The following ARVCF variants were observed in gnomAD, a reference collection of about 807,000 sequenced individuals.
ARVCF encodes the protein splicing regulator ARVCF.
In ARVCF, 66 loss-of-function variants were observed where a neutral mutation model predicts 90.9. The ratio of observed to expected loss-of-function variants is 0.73; its 90% CI spans 0.60 to 0.89. ARVCF has a LOEUF of 0.89. Ranked by LOEUF, ARVCF falls within the 40% of genes least tolerant of loss-of-function variation. The pLI is 0.00. For missense variants in ARVCF, 1,469 were observed against 1,382.3 expected (o/e 1.06, Z -1.00); for synonymous variants, 653 against 603.4 (o/e 1.08, Z -1.21).
chr22:19,975,570 C>T, intron 11 of ARVCF, 116 bp downstream of exon 11: 34 of 1,142,644 alleles, frequency 3.0e-5, no homozygotes, highest in Non-Finnish European at 4.3e-5. Flanking sequence ...GGGCCTGTTT[C>T]CCCATCTGTT....
At chr22:19,983,221 C>A (rs1223975176) in intron 3 of ARVCF, among the ~76,000 whole-genome samples, 2 of 152,260 alleles carry the variant, frequency 1.3e-5, no homozygotes, top group Non-Finnish European at 2.9e-5. Context: ...GCAGCCAGGG[C>A]AGGGTCAGCA....
At chr22:19,997,134 G>A (rs1944283523) in intron 2 of ARVCF, among the ~76,000 whole-genome samples, 1 of 152,210 alleles carries the variant, frequency 6.6e-6, no homozygotes, top group Non-Finnish European at 1.5e-5. Context: ...ACTAGGGGCT[G>A]TGTGGGGCTG....
At chr22:19,973,066 G>GGCCC in intron 14 of ARVCF, 30 bp from the exon 15 acceptor site, 4 of 1,604,200 alleles carry the variant, frequency 2.5e-6, no homozygotes, top group Non-Finnish European at 2.6e-6. Context: ...GTCAGTGGTG[G>GGCCC]CCCCTCCCCC....
intron 9 of ARVCF, among the ~76,000 whole-genome samples, chr22:19,976,999 T>C (rs565153868): frequency 6.6e-6 from 1 of 150,952 alleles, no homozygotes; most frequent in Admixed American, 6.6e-5. Context: ...GCTAGTGCAG[T>C]AGAGAAGGTG....
intron 3 of ARVCF, among the ~76,000 whole-genome samples, chr22:19,987,704 C>G (rs1569175394): frequency 1.3e-5 from 2 of 152,060 alleles, no homozygotes; most frequent in Admixed American, 1.3e-4. Context: ...TCTCCCAGAT[C>G]CCCCCTCACC....
At chr22:19,965,681 T>C (rs1466158129), downstream of ARVCF, 2 of 152,316 alleles carry the variant, frequency 1.3e-5, no homozygotes, top group Non-Finnish European at 2.9e-5. Flanking sequence ...CAAAAACTTT[T>C]CTGGAAAGAT....
rs779011702 is a variant in ARVCF at position 19,981,569 on chromosome 22, G to C, written c.538C>G (p.Arg180Gly). 2.5e-5 allele frequency: 40 copies of C among 1,604,144 alleles called. No individual in the cohort carries two copies. The Admixed American group carries it at 5.4e-4, about 22-fold the overall frequency. Residue 180 changes from arginine to glycine, a missense_variant, in exon 5 of 20, where the codon CGA (arginine) becomes GGA (glycine). Arg to Gly is a moderately radical substitution (Grantham distance 125). Coordinates refer to ENST00000263207, the MANE Select transcript of ARVCF (RefSeq NM_001670.3). Reference protein sequence around the residue: ...RGGGPVATLSRAYLSSGGGFP... With the variant: ...RGGGPVATLSGAYLSSGGGFP... ...CCACCCCCACTGCTGAGGTAGGCTC[G>C]AGAGAGTGTGGCCACTGGGCCACCA...
rs1160871715 is a variant in ARVCF at position 19,970,489 on chromosome 22, GGCCTCCT to G, written c.*260_*266del. ...TGGGCCCTGCCCCAGCAGCCCAGTC[GGCCTCCT>G]CGGGCCTTCTGTCACTCGCTCACAC... On this transcript the variant is annotated 3_prime_UTR_variant, in exon 20 of 20. Transcript: ENST00000263207. 4.6e-6 allele frequency: 5 copies of G among 1,096,124 alleles called. No homozygotes were observed. In the African/African-American group the frequency reaches 8.5e-5, roughly 19 times the overall value. The allele number at this position is 1,096,124 out of a possible 1,614,324, so 67.9% of individuals were successfully genotyped here. A position where few individuals can be genotyped will look rare whatever the true frequency, so the allele number is the denominator to read the frequency against.
chr22:19,974,256 C>A lies in ARVCF; in HGVS notation c.1961-17G>T. Reference sequence around the variant, plus strand: ...GCTCAAAGCCTAGGTGCAGGGCAACCGCCACCCACGGTCACCCAGAATCTG... The same window carrying A: ...GCTCAAAGCCTAGGTGCAGGGCAACAGCCACCCACGGTCACCCAGAATCTG... On this transcript the variant is annotated splice_polypyrimidine_tract_variant and intron_variant, in intron 11 of 19. Transcript: ENST00000263207. 5 of 1,588,414 alleles carry A rather than the reference C, an allele frequency of 3.1e-6. No homozygotes were observed. Among genetic ancestry groups the A allele is most frequent in the South Asian group, 1.1e-5 (1 of 89,662 alleles).
At chr22:20,015,002 G>A (rs1223756811) in intron 1 of ARVCF, among the ~76,000 whole-genome samples, 2 of 152,172 alleles carry the variant, frequency 1.3e-5, no homozygotes, top group African/African-American at 4.8e-5. Flanking sequence ...TGGAGGGAGT[G>A]CCAGAGCAAA....
chr22:19,991,766 A>G (rs1223157193), intron 2 of ARVCF, among the ~76,000 whole-genome samples: 1 of 152,280 alleles, frequency 6.6e-6, no homozygotes, highest in East Asian at 1.9e-4. Context: ...ATGGGTAAAA[A>G]GAAGCAGGAC....
At chr22:19,993,994 G>C (rs1569181821) in intron 2 of ARVCF, among the ~76,000 whole-genome samples, 2 of 152,198 alleles carry the variant, frequency 1.3e-5, no homozygotes, top group Non-Finnish European at 2.9e-5. Flanking sequence ...GGCCCGAGGA[G>C]AGAAGCATGG....
In ARVCF at chr22:19,977,404, G is replaced by T. The variant is rs201340924; in HGVS notation, c.1870+11C>A. On this transcript the variant is annotated intron_variant, in intron 9 of 19. Coordinates refer to ENST00000263207, the MANE Select transcript of ARVCF (RefSeq NM_001670.3). Reference sequence around the variant, plus strand: ...GATGGTAGAGATGATACCCCAGTCCGCCCCACCCACCTTTGGCCTTCTTGC... The same window carrying T: ...GATGGTAGAGATGATACCCCAGTCCTCCCCACCCACCTTTGGCCTTCTTGC... 6.6e-7 allele frequency: 1 copy of T among 1,504,670 alleles called. No homozygotes were observed. The highest frequency in any genetic ancestry group is 2.3e-5 in the Admixed American group (1 of 44,018). The allele number at this position is 1,504,670 out of a possible 1,614,324, so 93.2% of individuals were successfully genotyped here. A position where few individuals can be genotyped will look rare whatever the true frequency, so the allele number is the denominator to read the frequency against.
chr22:19,995,835 C>T (rs879885311), intron 2 of ARVCF, among the ~76,000 whole-genome samples: 1 of 152,138 alleles, frequency 6.6e-6, no homozygotes, highest in Non-Finnish European at 1.5e-5. Context: ...AGCCTCCTCC[C>T]ATACCCCCTT....
At chr22:19,972,903 AG>A (rs1942905110) in intron 15 of ARVCF, 21 bp downstream of exon 15, 1 of 1,613,734 alleles carries the variant, frequency 6.2e-7, no homozygotes, top group African/African-American at 1.3e-5. Context: ...AGGGAATGGA[AG>A]GAAGGCCAGG....
chr22:19,973,726 T>A lies in ARVCF; in HGVS notation c.2156A>T (p.Gln719Leu), dbSNP rs1332629696. Residue 719 changes from glutamine (Q) to leucine (L), a missense_variant, in exon 13 of 20, where the codon CAG becomes CTG. Transcript: ENST00000263207. Reference protein sequence around the residue: ...RGLPVLVELLQSETDKVVRAV... With the variant: ...RGLPVLVELLLSETDKVVRAV... ...GCGCACCACCTTGTCGGTCTCAGAC[T>A]GCAGCAGTTCCACAAGCACCGGCAG... 6.2e-7 allele frequency: 1 copy of A among 1,609,654 alleles called. No homozygotes were observed. The highest frequency in any genetic ancestry group is 1.3e-5 in the African/African-American group (1 of 74,950).
intron 12 of ARVCF, 65 bp downstream of exon 12, chr22:19,974,047 A>T: frequency 3.2e-6 from 5 of 1,554,992 alleles, no homozygotes; most frequent in Non-Finnish European, 4.3e-6. Flanking sequence ...CAGGAGCTGC[A>T]CCAGTGAGGT....
chr22:19,980,241 C>A lies in ARVCF; in HGVS notation c.898G>T (p.Ala300Ser). The change falls in exon 6 of 20, where the codon GCC becomes TCC. Residue 300 changes from alanine (A) to serine (S), a missense_variant and splice_region_variant. Coordinates refer to ENST00000263207, the MANE Select transcript of ARVCF (RefSeq NM_001670.3). The part of the protein sequence containing the change: ...PECGRGLHTR[A>S]YEDTADDGGE... ...CCATCATCTGCTGTGTCCTCGTAGG[C>A]CCTGCACAGGCAAGTGGGGCGCGTG... 6.6e-7 allele frequency: 1 copy of A among 1,519,270 alleles called. No homozygotes were observed. Among genetic ancestry groups the A allele is most frequent in the African/African-American group, 1.4e-5 (1 of 72,564 alleles). The allele number at this position is 1,519,270 out of a possible 1,614,324, so 94.1% of individuals were successfully genotyped here. A position where few individuals can be genotyped will look rare whatever the true frequency, so the allele number is the denominator to read the frequency against.
chr22:19,968,463 C>T, downstream of ARVCF: 2 of 1,460,272 alleles, frequency 1.4e-6, no homozygotes, highest in Non-Finnish European at 1.9e-6. Flanking sequence ...GTGAGGAGCA[C>T]CCATCCTGGT....
Sources: gnomAD v4.1 joint callset for allele counts (sites outside exome capture counted in the v4.1 genomes callset) on GRCh38, gnomAD v4.1.1 for gene constraint, MANE v1.5 for transcripts, NCBI Gene and HGNC (gene_info 2026-07-23, HGNC 2026-07-21) for gene names.